The following NSMAF variants were observed in gnomAD, a reference collection of about 807,000 sequenced individuals.
NSMAF encodes protein FAN.
Under a neutral mutation model 134.9 loss-of-function variants are expected in NSMAF, and 90 were observed. That is an observed-to-expected ratio of 0.67 (90% CI 0.56 to 0.79). The LOEUF is 0.79. Among genes scored for constraint, NSMAF ranks in the 30% least tolerant of loss-of-function variants. The pLI, the probability that NSMAF is intolerant of heterozygous loss-of-function variation, is 0.00. For synonymous variants in NSMAF, 358 were observed against 389.6 expected, an observed-to-expected ratio of 0.92 and a Z score of 0.96; for missense variants, 1,010 against 1,119.0, an observed-to-expected ratio of 0.90 and a Z score of 1.39.
intron 21 of NSMAF, 103 bp downstream of exon 21, chr8:58,597,284 T>C (rs1177671021): frequency 9.7e-7 from 1 of 1,031,972 alleles, no homozygotes; most frequent in East Asian, 2.4e-5. Context: ...CACAATCATC[T>C]CTAAGTAGCA....
At chr8:58,601,193 T>C in intron 16 of NSMAF, 92 bp downstream of exon 16, 1 of 1,113,596 alleles carries the variant, frequency 9.0e-7, no homozygotes, top group Non-Finnish European at 1.3e-6. Flanking sequence ...ATTTCTTTAC[T>C]TTTTTATTAT....
chr8:58,592,012 A>G (rs1563523745), intron 23 of NSMAF, among the ~76,000 whole-genome samples: 1 of 152,230 alleles, frequency 6.6e-6, no homozygotes. Context: ...GAGCCTCAAT[A>G]AGATATTCTT....
In NSMAF at chr8:58,595,561, CTT is replaced by C; in HGVS notation, c.1889_1890del (p.Lys630ArgfsTer29). ...GAGAAGAAGCAGAGATATTCTTACT[CTT>C]TGTGGATTTTATAGTGCTCGTGTAA... ...LQLHEHYKIHKEAVTGITVSR... is the reference protein window; with the variant it reads ...LQLHEHYKIHXEAVTGITVSR... On this transcript the variant is annotated frameshift_variant and splice_region_variant, in exon 22 of 31. Coordinates refer to ENST00000038176, the MANE Select transcript of NSMAF (RefSeq NM_003580.4). LOFTEE classifies it high-confidence loss of function. The C allele has an allele frequency of 6.2e-7, 1 of 1,607,286 alleles. No homozygotes were observed. Among genetic ancestry groups the C allele is most frequent in the South Asian group, 1.1e-5 (1 of 90,954 alleles).
rs753615700 is a variant in NSMAF, at chr8:58,642,992, G to A, written c.141C>T (p.His47=). The change falls in exon 2 of 31, where the codon CAC becomes CAT. Residue 47 remains histidine, a synonymous_variant. Coordinates refer to ENST00000038176, the MANE Select transcript of NSMAF (RefSeq NM_003580.4). ...RANHILHKGS[H]HERKIRGSLK... The stretch of plus-strand genomic sequence containing the variant: ...TACCGAAGCTTCCTTACCTTTCATG[G>A]TGACTGCCCTTGTGCAAAATGTGAT... 9 of 1,611,676 alleles carry A rather than the reference G, an allele frequency of 5.6e-6. No homozygotes were observed. Among genetic ancestry groups the A allele is most frequent in the Non-Finnish European group, 8.5e-7 (1 of 1,178,002 alleles).
chr8:58,597,135 T>C (rs1001625858), intron 21 of NSMAF, among the ~76,000 whole-genome samples: 1 of 152,060 alleles, frequency 6.6e-6, no homozygotes, highest in African/African-American at 2.4e-5. Context: ...CATCAAAACA[T>C]ATATGGCCAA....
Position 58,590,028 on chromosome 8 carries a change from G to T in NSMAF, c.2066C>A (p.Thr689Asn). Residue 689 changes from threonine to asparagine, a missense_variant, in exon 25 of 31, where the codon ACT (threonine) becomes AAT (asparagine). Physicochemically the swap from Thr to Asn is moderately conservative, Grantham distance 65. Transcript: ENST00000038176. Reference protein sequence around the residue: ...LLLPGDATVITSSWDNNVYFY... With the variant: ...LLLPGDATVINSSWDNNVYFY... ...ATACACATTATTATCCCATGAAGAA[G>T]TTATGACAGTGGCATCTCCTGGTAA... is the stretch of plus-strand genomic sequence containing the variant. The T allele has an allele frequency of 6.2e-7, 1 of 1,613,896 alleles. No homozygotes were observed. Among genetic ancestry groups the T allele is most frequent in the East Asian group, 2.2e-5 (1 of 44,878 alleles).
At chr8:58,589,166 TA>T (rs1285824070) in intron 26 of NSMAF, among the ~76,000 whole-genome samples, 1 of 147,934 alleles carries the variant, frequency 6.8e-6, no homozygotes, top group African/African-American at 2.5e-5. Context: ...ATTATATAAA[TA>T]AAAATATATA....
At chr8:58,642,922 A>C (rs1394503502) in intron 2 of NSMAF, 62 bp downstream of exon 2, 1 of 1,228,902 alleles carries the variant, frequency 8.1e-7, no homozygotes, top group Non-Finnish European at 1.2e-6. Flanking sequence ...CACACATTTA[A>C]CTTTAAAAGT....
At chr8:58,624,035 A>ATTTTTTTT (rs11431046) in intron 6 of NSMAF, among the ~76,000 whole-genome samples, 5 of 99,098 alleles carry the variant, frequency 5.0e-5, no homozygotes, top group African/African-American at 8.1e-5. Flanking sequence ...TAGAGTTAGG[A>ATTTTTTTT]TTTTTTTTTT....
chr8:58,654,404 G>C (rs1300251953), intron 1 of NSMAF, among the ~76,000 whole-genome samples: 1 of 152,126 alleles, frequency 6.6e-6, no homozygotes, highest in Non-Finnish European at 1.5e-5. Flanking sequence ...CACAAAATCA[G>C]CCAGGCATGG....
At chr8:58,614,428 C>A (rs1343489143) in intron 9 of NSMAF, among the ~76,000 whole-genome samples, 1 of 152,196 alleles carries the variant, frequency 6.6e-6, no homozygotes, top group Admixed American at 6.5e-5. Context: ...AGCCTCTGAG[C>A]AGGCCTGAGT....
rs766831842 is a variant in NSMAF, at chr8:58,609,733, C to T, written c.558G>A (p.Arg186=). The change falls in exon 10 of 31, where the codon AGG becomes AGA. Residue 186 remains arginine, a splice_region_variant and synonymous_variant. Transcript: ENST00000038176. ...RLARTSFDKN[R]FQNISEKLHM... Reference sequence around the variant, plus strand: ...GCAGCTTTTCAGAAATGTTTTGGAACCTGAAAATAGGTTTTTCAGCAAAAG... The same window carrying T: ...GCAGCTTTTCAGAAATGTTTTGGAATCTGAAAATAGGTTTTTCAGCAAAAG... 3 of 1,613,808 alleles carry T rather than the reference C, an allele frequency of 1.9e-6. No individual in the cohort carries two copies. Among genetic ancestry groups the T allele is most frequent in the South Asian group, 1.1e-5 (1 of 91,070 alleles).
At chr8:58,630,789 G>T (rs571894401) in intron 6 of NSMAF, among the ~76,000 whole-genome samples, 7 of 152,134 alleles carry the variant, frequency 4.6e-5, no homozygotes, top group Non-Finnish European at 1.0e-4. Context: ...AATTTGTGCC[G>T]CCTAAGAGAT....
chr8:58,601,158 G>A (rs1163103129), intron 16 of NSMAF, 127 bp downstream of exon 16: 1 of 783,120 alleles, frequency 1.3e-6, no homozygotes, highest in Non-Finnish European at 2.1e-6. Flanking sequence ...GAGAGGAATA[G>A]ATAGAACAAT....
chr8:58,642,025 G>A (rs1369902514), intron 2 of NSMAF, among the ~76,000 whole-genome samples: 1 of 152,164 alleles, frequency 6.6e-6, no homozygotes, highest in Non-Finnish European at 1.5e-5. Context: ...AAATTCCAGA[G>A]ATAAGAAAGC....
chr8:58,620,608 A>G (rs145346621), intron 9 of NSMAF, among the ~76,000 whole-genome samples: 22 of 152,312 alleles, frequency 1.4e-4, no homozygotes, highest in African/African-American at 4.8e-4. Context: ...TGGCTGTAAA[A>G]GACTATTTGT....
intron 25 of NSMAF, 51 bp from the exon 26 acceptor site, chr8:58,589,626 C>T (rs1388164828): frequency 1.3e-6 from 2 of 1,501,956 alleles, no homozygotes; most frequent in East Asian, 2.5e-5. Flanking sequence ...AATTTTAAGG[C>T]TCCTAAACAT....
chr8:58,597,397 T>A lies in NSMAF; in HGVS notation c.1782A>T (p.Ala594=), dbSNP rs1485001853. 1 of 1,613,022 alleles carries A rather than the reference T, an allele frequency of 6.2e-7. No individual in the cohort carries two copies. Among genetic ancestry groups the A allele is most frequent in the Non-Finnish European group, 8.5e-7 (1 of 1,179,722 alleles). The change falls in exon 21 of 31, where the codon GCA becomes GCT. Residue 594 remains alanine (A), a synonymous_variant. Coordinates refer to ENST00000038176, the MANE Select transcript of NSMAF (RefSeq NM_003580.4). ...SQTSSYNASM[A]DSPGEESFED... ...CTTTACAAAATTTACCTGGGGAATC[T>A]GCCATAGAAGCATTATAACTGGAGG...
Position 58,586,452 on chromosome 8 carries a change from A to G in NSMAF, c.2446+6T>C. 6.2e-7 allele frequency: 1 copy of G among 1,613,056 alleles called. No individual in the cohort carries two copies. Among genetic ancestry groups the G allele is most frequent in the Non-Finnish European group, 8.5e-7 (1 of 1,179,314 alleles). ...TATTATCTGTTTTAAAAAGGATAAT[A>G]TCTACCTGGGCTAAAAGCAGTGTCA... On this transcript the variant is annotated splice_donor_region_variant and intron_variant, in intron 28 of 30. Coordinates refer to ENST00000038176, the MANE Select transcript of NSMAF (RefSeq NM_003580.4).
Sources: allele counts gnomAD v4.1 joint callset (sites outside exome capture counted in the v4.1 genomes callset), GRCh38; gene constraint gnomAD v4.1.1; transcripts MANE v1.5; gene names NCBI Gene and HGNC (gene_info 2026-07-23, HGNC 2026-07-21).